The following COL4A6 variants were observed in gnomAD, a reference collection of about 807,000 sequenced individuals.
COL4A6 encodes collagen alpha-6(IV) chain.
A neutral mutation model predicts 126.7 loss-of-function variants in COL4A6; 59 were observed. The ratio of observed to expected loss-of-function variants is 0.47; its 90% confidence interval spans 0.38 to 0.58. The LOEUF (loss-of-function observed/expected upper bound fraction) is 0.58, where lower values mean the gene tolerates loss of function less well. Ranked by LOEUF, COL4A6 falls within the 20% of genes least tolerant of loss-of-function variation. COL4A6 has a pLI of 0.00. For missense variants in COL4A6, 1,285 were observed against 1,337.3 expected (o/e 0.96, Z 0.61); for synonymous variants, 547 against 496.6 (o/e 1.10, Z -1.35).
rs2148097124 is a variant in COL4A6, at chrX:108,174,422, A to T, written c.3138+18T>A. On this transcript the variant is annotated intron_variant, in intron 31 of 44. Coordinates refer to ENST00000334504, the MANE Select transcript of COL4A6 (RefSeq NM_033641.4). ...GGGGCCTTTTCTGGTATAAAGACAA[A>T]GATCTGGTCACACTTACACTTTCTC... 4 of 1,207,657 alleles carry T rather than the reference A, an allele frequency of 3.3e-6. No individual in the cohort carries two copies. The East Asian group carries it at 1.2e-4, about 36-fold the overall frequency.
At chrX:108,436,751 A>G (rs554206200) in intron 2 of COL4A6, among the ~76,000 whole-genome samples, 1 of 112,112 alleles carries the variant, frequency 8.9e-6, no homozygotes, top group South Asian at 3.8e-4. Flanking sequence ...AGATGTTGGT[A>G]TTCAAGTTTT....
At chrX:108,286,441 T>C (rs1246515377) in intron 3 of COL4A6, among the ~76,000 whole-genome samples, 1 of 112,315 alleles carries the variant, frequency 8.9e-6, no homozygotes, top group African/African-American at 3.2e-5. Context: ...CATTAAATGA[T>C]ATAACTCTGA....
At chrX:108,330,117 A>AGTTTG (rs2039260716) in intron 2 of COL4A6, among the ~76,000 whole-genome samples, 1 of 111,125 alleles carries the variant, frequency 9.0e-6, no homozygotes, top group Non-Finnish European at 1.9e-5. Flanking sequence ...TGCAAGGATG[A>AGTTTG]GTTTGTGCAG....
At chrX:108,371,387 T>G (rs1414781809) in intron 2 of COL4A6, among the ~76,000 whole-genome samples, 3 of 109,827 alleles carry the variant, frequency 2.7e-5, no homozygotes, top group Non-Finnish European at 5.7e-5. Context: ...AAGAAACCTT[T>G]GATAACCAGT....
At chrX:108,229,689 C>T (rs2148288479) in intron 3 of COL4A6, among the ~76,000 whole-genome samples, 1 of 112,495 alleles carries the variant, frequency 8.9e-6, no homozygotes, top group Non-Finnish European at 1.9e-5. Flanking sequence ...ATGATTATGG[C>T]TTGTGCAGGT....
In COL4A6 at chrX:108,170,830, A is replaced by G. The variant is rs753574735; in HGVS notation, c.3365T>C (p.Val1122Ala). 7 of 1,210,884 alleles carry G rather than the reference A, an allele frequency of 5.8e-6. No individual in the cohort carries two copies. In the East Asian group the frequency reaches 8.9e-5, roughly 15 times the overall value. ...EDGKVGVSGD[V>A]GLPGAPGFPG... ...GGTACCTGGAGCTCCAGGAAGGCCA[A>G]CATCTCCAGAAACACCAACTTTTCC... The change falls in exon 34 of 45, where the codon GTT becomes GCT. Residue 1122 changes from valine to alanine, a missense_variant. Coordinates refer to ENST00000334504, the MANE Select transcript of COL4A6 (RefSeq NM_033641.4).
chrX:108,273,424 G>A (rs1042242431), intron 3 of COL4A6, among the ~76,000 whole-genome samples: 1 of 110,537 alleles, frequency 9.0e-6, no homozygotes, highest in Non-Finnish European at 1.9e-5. Flanking sequence ...ACAGTGTGGC[G>A]ATTCCTCAAG....
At chrX:108,293,469 A>T (rs2038230999) in intron 3 of COL4A6, among the ~76,000 whole-genome samples, 1 of 111,628 alleles carries the variant, frequency 9.0e-6, no homozygotes, top group African/African-American at 3.3e-5. Context: ...GCCCATGCTT[A>T]GAATGGATTT....
chrX:108,404,192 G>A (rs901140258), intron 2 of COL4A6, among the ~76,000 whole-genome samples: 1 of 111,809 alleles, frequency 8.9e-6, no homozygotes, highest in African/African-American at 3.2e-5. Context: ...TGTTATAGTA[G>A]TGCAACACAG....
intron 3 of COL4A6, among the ~76,000 whole-genome samples, chrX:108,265,168 C>T (rs1335205895): frequency 9.0e-6 from 1 of 111,068 alleles, no homozygotes; most frequent in Non-Finnish European, 1.9e-5. Flanking sequence ...CTTTGACATC[C>T]CATTCAAAAT....
chrX:108,361,421 A>T (rs1467529230), intron 2 of COL4A6, among the ~76,000 whole-genome samples: 1 of 111,963 alleles, frequency 8.9e-6, no homozygotes, highest in Non-Finnish European at 1.9e-5. Context: ...TGGTTATCAT[A>T]ACAATAACAA....
At chrX:108,221,034 G>A (rs746114428) in intron 4 of COL4A6, 8 of 489,675 alleles carry the variant, frequency 1.6e-5, no homozygotes, top group Non-Finnish European at 2.6e-5. Context: ...AGAAGCAGAG[G>A]TTGCAGTGAG....
chrX:108,396,974 A>C (rs978284047), intron 2 of COL4A6, among the ~76,000 whole-genome samples: 8 of 111,741 alleles, frequency 7.2e-5, no homozygotes, highest in African/African-American at 2.6e-4. Flanking sequence ...TTCTATTTGT[A>C]ATGACTTTCT....
chrX:108,224,520 C>T (rs2036111184), intron 3 of COL4A6, among the ~76,000 whole-genome samples: 1 of 110,786 alleles, frequency 9.0e-6, no homozygotes, highest in South Asian at 3.9e-4. Flanking sequence ...TTCTGCTCAT[C>T]CAGAACTGTC....
chrX:108,424,494 A>G (rs1038523035), intron 2 of COL4A6, among the ~76,000 whole-genome samples: 1 of 111,605 alleles, frequency 9.0e-6, no homozygotes, highest in African/African-American at 3.3e-5. Context: ...CTCATTTTCT[A>G]CTATTTCTTT....
rs993083853 is a variant in COL4A6, at chrX:108,161,720, G to C, written c.4232C>G (p.Pro1411Arg). The C allele has an allele frequency of 2.4e-5, 29 of 1,202,204 alleles. No homozygotes were observed. Among genetic ancestry groups the C allele is most frequent in the Non-Finnish European group, 3.3e-5 (29 of 887,668 alleles). Residue 1411 changes from proline (P) to arginine (R), a missense_variant, in exon 42 of 45, where the codon CCT (proline) becomes CGT (arginine). By Grantham distance (103) the Pro-to-Arg change is moderately radical. Transcript: ENST00000334504. ...PVGLQGSKGL[P>R]GIPGKDGPSG... is the part of the protein sequence containing the mutation. ...GGGGCCATCTTTACCGGGGATGCCA[G>C]GTAAACCTTTGGAGCCTGCAGGAGA... is the stretch of plus-strand genomic sequence containing the variant.
chrX:108,400,250 T>C (rs941545024), intron 2 of COL4A6, among the ~76,000 whole-genome samples: 1 of 111,318 alleles, frequency 9.0e-6, no homozygotes, highest in Non-Finnish European at 1.9e-5. Flanking sequence ...GCTTTCTCCC[T>C]CCTTTCCTTC....
At chrX:108,239,634 G>A (rs753541606) in intron 3 of COL4A6, among the ~76,000 whole-genome samples, 1 of 111,310 alleles carries the variant, frequency 9.0e-6, no homozygotes, top group South Asian at 3.9e-4. Context: ...TGGTTTGGAA[G>A]CTCTGTCACA....
intron 2 of COL4A6, among the ~76,000 whole-genome samples, chrX:108,353,267 T>C (rs1226555747): frequency 8.9e-6 from 1 of 112,013 alleles, no homozygotes; most frequent in Non-Finnish European, 1.9e-5. Context: ...GCCCAAACAA[T>C]CCTGAAATTC....
Sources: gnomAD v4.1 joint callset for allele counts (sites outside exome capture counted in the v4.1 genomes callset) on GRCh38, gnomAD v4.1.1 for gene constraint, MANE v1.5 for transcripts, NCBI Gene and HGNC (gene_info 2026-07-23, HGNC 2026-07-21) for gene names.